Variants in VRK1 observed in about 807,000 individuals in gnomAD.
VRK1 encodes the protein serine/threonine-protein kinase VRK1.
A neutral mutation model predicts 57.1 loss-of-function variants in VRK1; 33 were observed. The ratio of observed to expected loss-of-function variants is 0.58; its 90% CI spans 0.44 to 0.77. The LOEUF (loss-of-function observed/expected upper bound fraction) is 0.77, where lower values mean the gene tolerates loss of function less well. VRK1 is among the 30% of genes least tolerant of loss of function. The probability of loss-of-function intolerance (pLI) is 0.00; values close to 1 mark genes in which losing one functional copy is unlikely to be tolerated. For missense variants in VRK1, 413 were observed against 477.3 expected (o/e 0.87, Z 1.25); for synonymous variants, 137 against 147.8 (o/e 0.93, Z 0.53).
At chr14:96,856,764 C>G (rs1888173167) in intron 10 of VRK1, among the ~76,000 whole-genome samples, 178 bp downstream of exon 10, 1 of 152,120 alleles carries the variant, frequency 6.6e-6, no homozygotes, top group Admixed American at 6.5e-5. Flanking sequence ...GTCAGGAGAT[C>G]AAGACCATCC....
At chr14:96,838,666 C>A (rs924976073) in intron 3 of VRK1, among the ~76,000 whole-genome samples, 1 of 152,148 alleles carries the variant, frequency 6.6e-6, no homozygotes, top group African/African-American at 2.4e-5. Flanking sequence ...AATTACCTCC[C>A]ACCAGCTCCC....
intron 1 of VRK1, among the ~76,000 whole-genome samples, chr14:96,823,123 C>T (rs1886666229): frequency 6.6e-6 from 1 of 152,212 alleles, no homozygotes; most frequent in Non-Finnish European, 1.5e-5. Flanking sequence ...TCCCCTTCTA[C>T]CTTCTACTCC....
At chr14:96,853,005 T>A in intron 6 of VRK1, 66 bp downstream of exon 6, 1 of 1,605,920 alleles carries the variant, frequency 6.2e-7, no homozygotes, top group Non-Finnish European at 8.5e-7. Flanking sequence ...CTAGTTTATG[T>A]TGAAGCTTGG....
chr14:96,833,737 A>G, intron 2 of VRK1, 106 bp downstream of exon 2: 1 of 1,530,602 alleles, frequency 6.5e-7, no homozygotes, highest in South Asian at 1.1e-5. Flanking sequence ...AATAATCTGC[A>G]GTCAACTTAA....
At chr14:96,829,167 A>T (rs1886912340) in intron 1 of VRK1, among the ~76,000 whole-genome samples, 1 of 152,166 alleles carries the variant, frequency 6.6e-6, no homozygotes, top group Non-Finnish European at 1.5e-5. Context: ...AGTTTACAGG[A>T]AATAAAGTAC....
chr14:96,841,619 A>G lies in VRK1; in HGVS notation c.216+3802A>G, dbSNP rs571564586. The stretch of plus-strand genomic sequence containing the variant: ...ACGATCATAATCCCAACACTTCGAG[A>G]GGCTGAGGTGGGTGGATCACATGAG... On this transcript the variant is annotated intron_variant, in intron 3 of 12. Coordinates refer to ENST00000216639, the MANE Select transcript of VRK1 (RefSeq NM_003384.3). 6.6e-5 allele frequency among the ~76,000 whole-genome samples: 10 copies of G among 152,244 alleles called. No homozygotes were observed. In the South Asian group the frequency reaches 1.7e-3, roughly 25 times the overall value.
chr14:96,818,339 C>G (rs1303116498), intron 1 of VRK1, among the ~76,000 whole-genome samples: 2 of 152,110 alleles, frequency 1.3e-5, no homozygotes, highest in Non-Finnish European at 2.9e-5. Flanking sequence ...ATTTTATAAC[C>G]TAACGTTGAT....
chr14:96,815,203 A>G (rs938649686), intron 1 of VRK1, among the ~76,000 whole-genome samples: 1 of 152,156 alleles, frequency 6.6e-6, no homozygotes, highest in Non-Finnish European at 1.5e-5. Flanking sequence ...ATTAAGTCTC[A>G]TTGTAATTTT....
At chr14:96,847,462 A>G (rs1463115074) in intron 5 of VRK1, 118 bp downstream of exon 5, 3 of 792,364 alleles carry the variant, frequency 3.8e-6, no homozygotes, top group African/African-American at 3.4e-5. Flanking sequence ...CCTCTGGAGT[A>G]TGTGGAGTGT....
At chr14:96,867,360 AT>A (rs1875832211) in intron 11 of VRK1, among the ~76,000 whole-genome samples, 1 of 150,072 alleles carries the variant, frequency 6.7e-6, no homozygotes, top group African/African-American at 2.5e-5. Flanking sequence ...AATTTTCCTA[AT>A]TTTTGTTTTT....
chr14:96,876,750 A>G, intron 12 of VRK1, among the ~76,000 whole-genome samples: 1 of 149,090 alleles, frequency 6.7e-6, no homozygotes, highest in East Asian at 2.0e-4. Flanking sequence ...AGCTTTATGG[A>G]TGATCACTTT....
intron 3 of VRK1, among the ~76,000 whole-genome samples, chr14:96,841,067 A>G (rs1009996421): frequency 6.6e-6 from 1 of 152,010 alleles, no homozygotes; most frequent in Non-Finnish European, 1.5e-5. Flanking sequence ...TTTGTTGCCC[A>G]GGCTGGTGTC....
chr14:96,856,640 A>G, intron 10 of VRK1, 54 bp downstream of exon 10: 1 of 1,463,782 alleles, frequency 6.8e-7, no homozygotes, highest in Non-Finnish European at 9.6e-7. Context: ...GGGGATAAAA[A>G]GGCATGATAT....
At chr14:96,813,087 A>G (rs542183338) in intron 1 of VRK1, among the ~76,000 whole-genome samples, 1 of 152,368 alleles carries the variant, frequency 6.6e-6, no homozygotes, top group African/African-American at 2.4e-5. Flanking sequence ...TTGAAGGGAT[A>G]CCAAGGTAAG....
intron 4 of VRK1, among the ~76,000 whole-genome samples, chr14:96,846,654 C>T (rs572948661): frequency 3.6e-4 from 55 of 151,156 alleles, no homozygotes; most frequent in Non-Finnish European, 6.6e-4. Context: ...GATAGTCCAC[C>T]CCCGTATTCT....
At chr14:96,809,129 C>T (rs142995760) in intron 1 of VRK1, among the ~76,000 whole-genome samples, 10 of 152,292 alleles carry the variant, frequency 6.6e-5, no homozygotes, top group African/African-American at 2.4e-4. Flanking sequence ...ACCAAACCTA[C>T]ATGTGGGGTC....
At chr14:96,854,562 C>G (rs1028963028) in intron 7 of VRK1, among the ~76,000 whole-genome samples, 11 of 152,056 alleles carry the variant, frequency 7.2e-5, no homozygotes, top group African/African-American at 2.4e-4. Context: ...CTAATCAGAC[C>G]CACATGTATA....
intron 1 of VRK1, among the ~76,000 whole-genome samples, chr14:96,800,404 A>G (rs1294542871): frequency 5.3e-5 from 8 of 152,156 alleles, no homozygotes; most frequent in Admixed American, 4.6e-4. Context: ...TCTGAGTGAC[A>G]TATGGGCAAC....
chr14:96,855,122 G>T, intron 7 of VRK1, 102 bp from the exon 8 acceptor site: 1 of 1,574,214 alleles, frequency 6.4e-7, no homozygotes. Context: ...GACCTTGTAG[G>T]TGAACCCACC....
Sources: gnomAD v4.1 joint callset for allele counts (sites outside exome capture counted in the v4.1 genomes callset) on GRCh38, gnomAD v4.1.1 for gene constraint, MANE v1.5 for transcripts, NCBI Gene and HGNC (gene_info 2026-07-23, HGNC 2026-07-21) for gene names.